Variants in PARVA observed in about 807,000 individuals in gnomAD.
PARVA encodes parvin alpha, also known as alpha-parvin.
A neutral mutation model predicts 52.6 loss-of-function variants in PARVA; 25 were observed. That is an observed-to-expected ratio of 0.48 (90% CI 0.35 to 0.66). The LOEUF (loss-of-function observed/expected upper bound fraction) is 0.66. Among genes scored for constraint, PARVA ranks in the 30% least tolerant of loss-of-function variants. The pLI is 0.01. For missense variants in PARVA, 373 were observed against 450.9 expected, an observed-to-expected ratio of 0.83 and a Z score of 1.56; for synonymous variants, 185 against 179.1, an observed-to-expected ratio of 1.03 and a Z score of -0.26.
At chr11:12,508,762 A>T (rs910713758) in intron 7 of PARVA, 120 bp downstream of exon 7, 2 of 805,562 alleles carry the variant, frequency 2.5e-6, no homozygotes, top group African/African-American at 3.5e-5. Flanking sequence ...ATTAGACTTC[A>T]GCCAATGATT....
intron 11 of PARVA, 29 bp downstream of exon 11, chr11:12,517,740 C>T: frequency 6.8e-7 from 1 of 1,470,652 alleles, no homozygotes; most frequent in South Asian, 1.2e-5. Flanking sequence ...AAGGGAGGCC[C>T]CCTAGCCCAC....
chr11:12,530,201 T>A lies in PARVA; in HGVS notation c.*2276T>A, dbSNP rs1941754887. The A allele has an allele frequency of 6.6e-6, 1 of 152,216 alleles. No individual in the cohort carries two copies. Among genetic ancestry groups the A allele is most frequent in the Non-Finnish European group, 1.5e-5 (1 of 68,042 alleles). The allele number at this position is 152,216 out of a possible 1,614,324, so 9.4% of individuals were successfully genotyped here. Reference sequence around the variant, plus strand: ...ACAGTTCTAATTTATCAGAAAATTGTGTTTTGGGATTGAGTTCTTTGTCTC... The same window carrying A: ...ACAGTTCTAATTTATCAGAAAATTGAGTTTTGGGATTGAGTTCTTTGTCTC... On this transcript the variant is annotated 3_prime_UTR_variant, in exon 13 of 13. Transcript: ENST00000334956.
intron 1 of PARVA, among the ~76,000 whole-genome samples, chr11:12,420,631 C>T (rs1279156849): frequency 6.6e-6 from 1 of 152,214 alleles, no homozygotes; most frequent in African/African-American, 2.4e-5. Context: ...CAGAGCCCAA[C>T]ACCTGTTTTT....
intron 1 of PARVA, among the ~76,000 whole-genome samples, chr11:12,433,396 T>C (rs1940342261): frequency 6.6e-6 from 1 of 152,248 alleles, no homozygotes; most frequent in African/African-American, 2.4e-5. Flanking sequence ...ATTAAAATTA[T>C]GTAAATGATA....
At chr11:12,496,346 G>A (rs1242851031) in intron 4 of PARVA, 112 bp from the exon 5 acceptor site, 2 of 1,013,810 alleles carry the variant, frequency 2.0e-6, no homozygotes, top group African/African-American at 2.1e-5. Flanking sequence ...ATTGTTGCAA[G>A]AGTGCATGCA....
At chr11:12,496,366 G>GCATGCATGCATGAGTT in intron 4 of PARVA, 92 bp from the exon 5 acceptor site, 2 of 1,333,736 alleles carry the variant, frequency 1.5e-6, no homozygotes, top group Non-Finnish European at 2.1e-6. Flanking sequence ...ATGCATGAGT[G>GCATGCATGCATGAGTT]CATGAGAGAC....
At chr11:12,461,952 A>G (rs1940788022) in intron 1 of PARVA, among the ~76,000 whole-genome samples, 1 of 152,192 alleles carries the variant, frequency 6.6e-6, no homozygotes. Flanking sequence ...TGCTGAGGCC[A>G]CCAAGAGCTG....
intron 1 of PARVA, among the ~76,000 whole-genome samples, chr11:12,429,662 G>A (rs1321234747): frequency 1.3e-5 from 2 of 152,108 alleles, no homozygotes; most frequent in Admixed American, 6.6e-5. Flanking sequence ...TAAATTTATT[G>A]TCATTAAATC....
intron 1 of PARVA, among the ~76,000 whole-genome samples, chr11:12,425,587 C>T (rs962065506): frequency 4.6e-5 from 7 of 152,192 alleles, no homozygotes; most frequent in African/African-American, 1.4e-4. Context: ...TCTCTCTGCT[C>T]TCATCTTAAT....
At chr11:12,512,128 C>T (rs1196569055) in intron 8 of PARVA, among the ~76,000 whole-genome samples, 2 of 152,168 alleles carry the variant, frequency 1.3e-5, no homozygotes, top group African/African-American at 4.8e-5. Context: ...AGATGAGAGA[C>T]CTGTAGCCCA....
chr11:12,477,715 T>C, intron 3 of PARVA, 132 bp from the exon 4 acceptor site: 2 of 615,692 alleles, frequency 3.2e-6, no homozygotes, highest in Non-Finnish European at 5.8e-6. Flanking sequence ...AGACCCCATC[T>C]CAAATAAAAT....
At chr11:12,405,787 T>A (rs1939895648) in intron 1 of PARVA, among the ~76,000 whole-genome samples, 1 of 151,980 alleles carries the variant, frequency 6.6e-6, no homozygotes, top group South Asian at 2.1e-4. Flanking sequence ...TGAAACCCCA[T>A]CTCTACTAAA....
Position 12,404,157 on chromosome 11 carries a change from C to G in PARVA, c.136+26374C>G, listed in dbSNP as rs576731331. 1.2e-4 allele frequency among the ~76,000 whole-genome samples: 18 copies of G among 151,436 alleles called. No individual in the cohort carries two copies. The South Asian group carries it at 2.9e-3, about 25-fold the overall frequency. ...GCTTGGATAGGAGGCTTGCCAGGAC[C>G]TCAGTAGTATGGCCTATGTGTAGTC... On this transcript the variant is annotated intron_variant, in intron 1 of 12. Coordinates refer to ENST00000334956, the MANE Select transcript of PARVA (RefSeq NM_018222.5).
At chr11:12,474,011 G>C in intron 3 of PARVA, 28 bp downstream of exon 3, 2 of 1,537,744 alleles carry the variant, frequency 1.3e-6, no homozygotes, top group South Asian at 1.2e-5. Flanking sequence ...GCGGCTTCAG[G>C]TGCCTCACTG....
chr11:12,473,367 C>T (rs1346545172), intron 1 of PARVA, among the ~76,000 whole-genome samples: 2 of 152,160 alleles, frequency 1.3e-5, no homozygotes, highest in Non-Finnish European at 1.5e-5. Flanking sequence ...TGTCAGCACA[C>T]AGTCGCCGGG....
intron 1 of PARVA, among the ~76,000 whole-genome samples, chr11:12,469,975 A>G (rs1940911879): frequency 6.6e-6 from 1 of 152,206 alleles, no homozygotes; most frequent in South Asian, 2.1e-4. Context: ...ATACCTCTCC[A>G]TTTACAAATT....
At chr11:12,439,545 C>T (rs981868420) in intron 1 of PARVA, among the ~76,000 whole-genome samples, 4 of 152,224 alleles carry the variant, frequency 2.6e-5, no homozygotes, top group Admixed American at 6.5e-5. Context: ...TGATGGCACC[C>T]AGAGGCCCAG....
At chr11:12,499,973 A>G (rs1941345651) in intron 5 of PARVA, among the ~76,000 whole-genome samples, 1 of 152,114 alleles carries the variant, frequency 6.6e-6, no homozygotes, top group African/African-American at 2.4e-5. Flanking sequence ...TTAACTGATA[A>G]TGGATTTTCA....
At chr11:12,514,192 C>T in intron 10 of PARVA, 127 bp downstream of exon 10, 1 of 696,970 alleles carries the variant, frequency 1.4e-6, no homozygotes, top group African/African-American at 1.8e-5. Context: ...GGAATCTGTC[C>T]TACTCTGAGG....
Sources: allele counts gnomAD v4.1 joint callset (sites outside exome capture counted in the v4.1 genomes callset), GRCh38; gene constraint gnomAD v4.1.1; transcripts MANE v1.5; gene names NCBI Gene and HGNC (gene_info 2026-07-23, HGNC 2026-07-21).